Variants in RERE observed in about 807,000 individuals in gnomAD.
The protein encoded by RERE is arginine-glutamic acid dipeptide repeats protein.
Under a neutral mutation model 146.1 loss-of-function variants are expected in RERE, and 40 were observed. That is an observed-to-expected ratio of 0.27 (90% CI 0.21 to 0.36). The LOEUF (loss-of-function observed/expected upper bound fraction) is 0.36, where lower values mean the gene tolerates loss of function less well. RERE is among the 10% of genes least tolerant of loss of function. RERE has a pLI of 1.00. For synonymous variants in RERE, 1,003 were observed against 866.0 expected (o/e 1.16, Z -2.78); for missense variants, 1,933 against 2,138.7 (o/e 0.90, Z 1.90).
At chr1:8,427,657 AAAG>A (rs1644033713) in intron 11 of RERE, among the ~76,000 whole-genome samples, 1 of 151,562 alleles carries the variant, frequency 6.6e-6, no homozygotes, top group Non-Finnish European at 1.5e-5. Context: ...AAAAAAAAAA[AAAG>A]GAAGTAAAAG....
intron 1 of RERE, among the ~76,000 whole-genome samples, chr1:8,782,742 C>T (rs1258887693): frequency 6.6e-6 from 1 of 151,766 alleles, no homozygotes; most frequent in Non-Finnish European, 1.5e-5. Context: ...CCTGTCTCTA[C>T]TAAAAACACA....
At chr1:8,571,084 C>T (rs954093253) in intron 4 of RERE, among the ~76,000 whole-genome samples, 5 of 152,142 alleles carry the variant, frequency 3.3e-5, no homozygotes, top group African/African-American at 7.2e-5. Flanking sequence ...TTTAAAACAA[C>T]GGTGAACCCT....
chr1:8,507,068 A>G (rs1028656349), intron 8 of RERE, among the ~76,000 whole-genome samples: 6 of 152,206 alleles, frequency 3.9e-5, no homozygotes, highest in African/African-American at 1.4e-4. Flanking sequence ...AGACAGAAAC[A>G]GAGCCAGAGT....
At chr1:8,531,007 T>TCCTA (rs1553180794) in intron 7 of RERE, among the ~76,000 whole-genome samples, 2 of 140,238 alleles carry the variant, frequency 1.4e-5, no homozygotes, top group Non-Finnish European at 3.1e-5. Context: ...GAACTGAGTT[T>TCCTA]TCTATCTATC....
chr1:8,556,570 G>A lies in RERE; in HGVS notation c.630C>T (p.Asp210=). ...CTGTAATGACAAGTTCTCTTCCAGA[G>A]TCTGTCAAAAAATTAATTAAGACGA... The part of the protein sequence containing the change: ...HLVQDRHNEN[D]SGRELVITDP... The change falls in exon 6 of 23, where the codon GAC becomes GAT. Residue 210 remains aspartate, a splice_region_variant and synonymous_variant. Transcript: ENST00000400908. The A allele has an allele frequency of 6.3e-7, 1 of 1,585,086 alleles. No individual in the cohort carries two copies. The highest frequency in any genetic ancestry group is 8.7e-7 in the Non-Finnish European group (1 of 1,154,690).
chr1:8,521,719 G>A (rs1005485411), intron 7 of RERE, among the ~76,000 whole-genome samples: 4 of 152,090 alleles, frequency 2.6e-5, no homozygotes, highest in Admixed American at 6.5e-5. Context: ...GAATGTCACC[G>A]CTTGCCCAAT....
Position 8,631,024 on chromosome 1 carries a change from A to G in RERE, c.326-6644T>C, listed in dbSNP as rs751078840. On this transcript the variant is annotated intron_variant, in intron 2 of 22. Transcript: ENST00000400908. ...AGCCTCACTAAACACAGAACACTAA[A>G]TATTTCTAGCAAACATTCATCTGTC... Among the ~76,000 whole-genome samples the G allele has an allele frequency of 2.6e-5, 4 of 152,334 alleles. No individual in the cohort carries two copies. In the South Asian group the frequency reaches 6.2e-4, roughly 24 times the overall value.
intron 17 of RERE, 29 bp from the exon 18 acceptor site, chr1:8,361,519 T>C (rs771112264): frequency 2.6e-5 from 41 of 1,605,582 alleles, no homozygotes; most frequent in Non-Finnish European, 3.5e-5. Flanking sequence ...AGGATGGAAG[T>C]CCCAGGAGGG....
intron 7 of RERE, among the ~76,000 whole-genome samples, chr1:8,528,668 T>C (rs1285492759): frequency 6.6e-6 from 1 of 152,150 alleles, no homozygotes; most frequent in Non-Finnish European, 1.5e-5. Flanking sequence ...CGTTTTAGAT[T>C]TTTGGATTAA....
intron 10 of RERE, among the ~76,000 whole-genome samples, 159 bp from the exon 11 acceptor site, chr1:8,466,182 C>T (rs983988244): frequency 6.6e-6 from 1 of 152,110 alleles, no homozygotes; most frequent in Non-Finnish European, 1.5e-5. Flanking sequence ...TGTTCTCATC[C>T]AAGACCACCC....
intron 11 of RERE, among the ~76,000 whole-genome samples, chr1:8,462,344 G>C (rs371606985): frequency 6.6e-6 from 1 of 152,240 alleles, no homozygotes; most frequent in African/African-American, 2.4e-5. Context: ...AGACCGCAAG[G>C]AATGAAGAGC....
At chr1:8,489,669 A>G (rs1644950167) in intron 10 of RERE, among the ~76,000 whole-genome samples, 2 of 152,302 alleles carry the variant, frequency 1.3e-5, no homozygotes, top group Middle Eastern at 6.8e-3. Context: ...TTTAAAAAAA[A>G]ATAACTGACA....
chr1:8,692,491 C>T (rs1323283741), intron 1 of RERE, among the ~76,000 whole-genome samples: 2 of 151,892 alleles, frequency 1.3e-5, no homozygotes, highest in African/African-American at 4.8e-5. Flanking sequence ...CGACTAGAGG[C>T]GCCTACCACC....
chr1:8,556,928 A>G (rs1646014613), intron 5 of RERE, among the ~76,000 whole-genome samples: 1 of 152,148 alleles, frequency 6.6e-6, no homozygotes, highest in African/African-American at 2.4e-5. Flanking sequence ...TTCTTGCTAA[A>G]TATTACAAAA....
Position 8,508,653 on chromosome 1 carries a change from C to T in RERE, c.853G>A (p.Glu285Lys). The T allele has an allele frequency of 6.2e-7, 1 of 1,613,316 alleles. No homozygotes were observed. Among genetic ancestry groups the T allele is most frequent in the Non-Finnish European group, 8.5e-7 (1 of 1,179,296 alleles). The change falls in exon 8 of 23, where the codon GAG becomes AAG. Residue 285 changes from glutamate (E) to lysine (K), a missense_variant. This residue lies in a region of RERE where 260 missense variants were observed against 378.4 expected (regional missense o/e 0.69). Transcript: ENST00000400908. ...ETRRLNSTQG[E>K]IRVGPSHQAK... is the part of the protein sequence containing the mutation. ...TGATGACTAGGACCGACACGAATCT[C>T]CCCCTGGGTACTGTTCAGCCTCCTG...
At chr1:8,652,377 C>A (rs1424837665) in intron 2 of RERE, among the ~76,000 whole-genome samples, 1 of 152,226 alleles carries the variant, frequency 6.6e-6, no homozygotes, top group Admixed American at 6.5e-5. Context: ...TCCACAAATA[C>A]ATAGTTCTTG....
intron 1 of RERE, among the ~76,000 whole-genome samples, chr1:8,675,722 T>C (rs1638823712): frequency 6.9e-6 from 1 of 145,950 alleles, no homozygotes; most frequent in African/African-American, 2.6e-5. Flanking sequence ...AAACTCCGAC[T>C]CAAAATACAT....
intron 10 of RERE, among the ~76,000 whole-genome samples, chr1:8,467,271 T>C (rs532270863): frequency 1.3e-5 from 2 of 152,330 alleles, no homozygotes; most frequent in East Asian, 3.9e-4. Context: ...ATTCAAGACA[T>C]GTAAAGAATA....
At chr1:8,536,999 TAGAGA>T (rs1645734732) in intron 7 of RERE, among the ~76,000 whole-genome samples, 2 of 152,120 alleles carry the variant, frequency 1.3e-5, no homozygotes, top group Admixed American at 1.3e-4. Flanking sequence ...GCCCAGGATT[TAGAGA>T]CCAGCCTGGG....
Sources: gnomAD v4.1 joint callset for allele counts (sites outside exome capture counted in the v4.1 genomes callset) on GRCh38, gnomAD v4.1.1 for gene constraint, gnomAD v4.1.1 regional missense constraint, MANE v1.5 for transcripts, NCBI Gene and HGNC (gene_info 2026-07-23, HGNC 2026-07-21) for gene names.